RANBP17: variants seen among roughly 807,000 people sequenced by gnomAD.
The protein encoded by RANBP17 is ran-binding protein 17.
RANBP17 carries 158 observed loss-of-function variants against 141.2 expected under a neutral mutation model. The observed-to-expected ratio is 1.12, with a 90% CI of 0.98 to 1.28. The LOEUF (loss-of-function observed/expected upper bound fraction) is 1.28, where lower values mean the gene tolerates loss of function less well. RANBP17 is among the 50% of genes most tolerant of loss of function. The probability of loss-of-function intolerance (pLI) is 0.00; values close to 1 mark genes in which losing one functional copy is unlikely to be tolerated. For missense variants in RANBP17, 1,438 were observed against 1,290.7 expected (o/e 1.11, Z -1.75); for synonymous variants, 430 against 450.0 (o/e 0.96, Z 0.56).
chr5:170,992,525 T>C (rs1169151014), intron 14 of RANBP17, among the ~76,000 whole-genome samples: 1 of 152,060 alleles, frequency 6.6e-6, no homozygotes, highest in African/African-American at 2.4e-5. Flanking sequence ...AACAGAATTA[T>C]GAATGCTAAA....
intron 14 of RANBP17, among the ~76,000 whole-genome samples, chr5:171,081,317 G>A (rs774942335): frequency 1.1e-4 from 17 of 152,078 alleles, no homozygotes; most frequent in Non-Finnish European, 1.6e-4. Context: ...CTACATCATG[G>A]TCATTGAATA....
At chr5:171,213,545 T>G (rs1041486393) in intron 20 of RANBP17, 86 bp from the exon 21 acceptor site, 24 of 880,728 alleles carry the variant, frequency 2.7e-5, no homozygotes, top group Non-Finnish European at 4.3e-5. Flanking sequence ...GTGGATTCCC[T>G]TTTGTGTGTG....
intron 14 of RANBP17, among the ~76,000 whole-genome samples, chr5:170,981,561 C>CA (rs1358100679): frequency 1.4e-5 from 2 of 147,814 alleles, no homozygotes; most frequent in African/African-American, 4.9e-5. Flanking sequence ...CACAGGCTCT[C>CA]ATTTTTTTTT....
At chr5:171,240,717 A>C (rs537230885) in intron 22 of RANBP17, among the ~76,000 whole-genome samples, 14 of 152,308 alleles carry the variant, frequency 9.2e-5, no homozygotes, top group African/African-American at 3.4e-4. Context: ...TTCCAATATA[A>C]GGATATTGAT....
intron 12 of RANBP17, among the ~76,000 whole-genome samples, chr5:170,929,112 AATTT>A (rs1385438232): frequency 6.6e-6 from 1 of 152,068 alleles, no homozygotes; most frequent in African/African-American, 2.4e-5. Flanking sequence ...AACTTTGCTT[AATTT>A]ATTAGTTCTA....
chr5:170,869,619 A>G (rs1370527330), intron 1 of RANBP17, among the ~76,000 whole-genome samples: 1 of 152,068 alleles, frequency 6.6e-6, no homozygotes, highest in Non-Finnish European at 1.5e-5. Context: ...ACATCACTCT[A>G]GTCTCTGCCT....
intron 19 of RANBP17, among the ~76,000 whole-genome samples, chr5:171,204,517 T>C (rs1420287392): frequency 6.6e-6 from 1 of 152,208 alleles, no homozygotes; most frequent in East Asian, 1.9e-4. Flanking sequence ...GAGACCATTT[T>C]CTAGCTGAGT....
intron 14 of RANBP17, among the ~76,000 whole-genome samples, chr5:171,131,993 A>T (rs1756954546): frequency 6.6e-6 from 1 of 152,210 alleles, no homozygotes; most frequent in South Asian, 2.1e-4. Flanking sequence ...TATTAATCTG[A>T]GAATAATCCA....
chr5:171,025,112 TTTGA>T (rs1781143690), intron 14 of RANBP17, among the ~76,000 whole-genome samples: 2 of 152,210 alleles, frequency 1.3e-5, no homozygotes, highest in African/African-American at 4.8e-5. Flanking sequence ...CTTCTATGTA[TTTGA>T]TTGTTTATAG....
chr5:170,875,410 T>C (rs2127341536), intron 1 of RANBP17, among the ~76,000 whole-genome samples: 1 of 152,318 alleles, frequency 6.6e-6, no homozygotes, highest in Middle Eastern at 3.4e-3. Flanking sequence ...CTGAAGTGTG[T>C]TTTCCAACTT....
At chr5:171,063,093 C>T (rs1328795017) in intron 14 of RANBP17, among the ~76,000 whole-genome samples, 1 of 152,186 alleles carries the variant, frequency 6.6e-6, no homozygotes, top group East Asian at 1.9e-4. Flanking sequence ...AACTTCTTTG[C>T]CTTTGGTTTG....
chr5:170,874,447 T>C (rs553743242), intron 1 of RANBP17, among the ~76,000 whole-genome samples: 1 of 152,346 alleles, frequency 6.6e-6, no homozygotes, highest in African/African-American at 2.4e-5. Context: ...TTTCCCACTA[T>C]TATTGTGTGG....
intron 20 of RANBP17, among the ~76,000 whole-genome samples, chr5:171,211,640 T>G (rs188918589): frequency 7.3e-5 from 11 of 151,204 alleles, no homozygotes; most frequent in East Asian, 1.9e-4. Context: ...TTTTTTTTTT[T>G]TTTTTTTTTT....
chr5:171,176,409 C>G (rs983600624), intron 16 of RANBP17, among the ~76,000 whole-genome samples: 26 of 152,060 alleles, frequency 1.7e-4, no homozygotes, highest in Non-Finnish European at 3.4e-4. Context: ...AAATTTAATT[C>G]CATACTCATC....
At chr5:170,962,891 C>T (rs1248952544) in intron 13 of RANBP17, among the ~76,000 whole-genome samples, 1 of 152,066 alleles carries the variant, frequency 6.6e-6, no homozygotes, top group Admixed American at 6.5e-5. Flanking sequence ...AACATGTTGG[C>T]AATACGTAGC....
intron 24 of RANBP17, among the ~76,000 whole-genome samples, chr5:171,265,268 C>A (rs1162027403): frequency 6.6e-6 from 1 of 152,354 alleles, no homozygotes; most frequent in African/African-American, 2.4e-5. Flanking sequence ...GATACGGTGG[C>A]TCATGCCTAT....
At chr5:170,909,888 TA>T (rs1314491193) in intron 6 of RANBP17, 123 bp downstream of exon 6, 10 of 582,238 alleles carry the variant, frequency 1.7e-5, no homozygotes, top group Non-Finnish European at 1.2e-5. Context: ...TGGACAGACT[TA>T]AGTATAGTAA....
At position 171,064,022 on chromosome 5, in the gene RANBP17, A is replaced by T. The variant is rs147110079; in HGVS notation, c.1710+95645A>T. Among the ~76,000 whole-genome samples the T allele has an allele frequency of 4.3e-4, 66 of 152,374 alleles. 3 individuals are homozygous for T. The East Asian group carries it at 0.012, about 28-fold the overall frequency. The stretch of plus-strand genomic sequence containing the variant: ...TTTGTTAAGCCCATCGGAAAAGCGC[A>T]GTATTAGTGTGGGAGTGACCCGATT... On this transcript the variant is annotated intron_variant, in intron 14 of 27. Coordinates refer to ENST00000523189, the MANE Select transcript of RANBP17 (RefSeq NM_022897.5).
At chr5:171,022,817 C>T (rs1469136867) in intron 14 of RANBP17, among the ~76,000 whole-genome samples, 1 of 152,312 alleles carries the variant, frequency 6.6e-6, no homozygotes, top group Non-Finnish European at 1.5e-5. Flanking sequence ...GGTTGCCCCT[C>T]CCCCTGGGAG....
Sources: allele counts gnomAD v4.1 joint callset (sites outside exome capture counted in the v4.1 genomes callset), GRCh38; gene constraint gnomAD v4.1.1; transcripts MANE v1.5; gene names NCBI Gene and HGNC (gene_info 2026-07-23, HGNC 2026-07-21).